The following B4GALNT4 variants were observed in gnomAD, a reference collection of about 807,000 sequenced individuals.
B4GALNT4 encodes the protein beta-1,4-N-acetyl-galactosaminyltransferase 4.
Under a neutral mutation model 110.0 loss-of-function variants are expected in B4GALNT4, and 77 were observed. That is an observed-to-expected ratio of 0.70 (90% CI 0.58 to 0.85). The LOEUF (loss-of-function observed/expected upper bound fraction) is 0.85. Ranked by LOEUF, B4GALNT4 falls within the 40% of genes least tolerant of loss-of-function variation. The pLI, the probability that B4GALNT4 is intolerant of heterozygous loss-of-function variation, is 0.00. For synonymous variants in B4GALNT4, 785 were observed against 655.5 expected, an observed-to-expected ratio of 1.20 and a Z score of -3.02; for missense variants, 1,575 against 1,506.0, an observed-to-expected ratio of 1.05 and a Z score of -0.76.
chr11:380,100 G>T, intron 16 of B4GALNT4, 30 bp from the exon 17 acceptor site: 1 of 1,593,580 alleles, frequency 6.3e-7, no homozygotes, highest in Non-Finnish European at 8.6e-7. Context: ...CCCACCCCCA[G>T]AGATCGTGCC....
rs779797509 is a variant in B4GALNT4 at position 377,345 on chromosome 11, C to T, written c.2204+18C>T. The T allele has an allele frequency of 1.1e-5, 16 of 1,487,790 alleles. No homozygotes were observed. The highest frequency in any genetic ancestry group is 4.5e-5 in the Admixed American group (2 of 44,228). The allele number at this position is 1,487,790 out of a possible 1,614,324, so 92.2% of individuals were successfully genotyped here. A position where few individuals can be genotyped will look rare whatever the true frequency, so the allele number is the denominator to read the frequency against. ...CACGGCGGGTATGGGGGCGGCCGAACGCGCGCCAGGGCGGTTTTGGAGGCG... is the reference window on the plus strand; with the variant it reads ...CACGGCGGGTATGGGGGCGGCCGAATGCGCGCCAGGGCGGTTTTGGAGGCG... On this transcript the variant is annotated intron_variant, in intron 14 of 19. Coordinates refer to ENST00000329962, the MANE Select transcript of B4GALNT4 (RefSeq NM_178537.5).
rs143485118 is a variant in B4GALNT4, at chr11:372,600, G to A, written c.256-62G>A. 5.1e-5 allele frequency: 69 copies of A among 1,345,950 alleles called. No individual in the cohort carries two copies. The East Asian group carries it at 1.3e-3, about 24-fold the overall frequency. The allele number at this position is 1,345,950 out of a possible 1,614,324, so 83.4% of individuals were successfully genotyped here. On this transcript the variant is annotated intron_variant, in intron 2 of 19. Coordinates refer to ENST00000329962, the MANE Select transcript of B4GALNT4 (RefSeq NM_178537.5). The stretch of plus-strand genomic sequence containing the variant: ...AGGGGTCTTTGTGAAGGTTTGTCTT[G>A]GTGTGTGTGACCTCCTCCCTGCCCT...
At position 375,631 on chromosome 11, in the gene B4GALNT4, G is replaced by GC. The variant is rs746466984; in HGVS notation, c.851-3dup. 26 of 1,590,770 alleles carry GC rather than the reference G, an allele frequency of 1.6e-5. No homozygotes were observed. The highest frequency in any genetic ancestry group is 2.1e-5 in the Non-Finnish European group (25 of 1,172,612). On this transcript the variant is annotated splice_polypyrimidine_tract_variant and splice_region_variant and intron_variant, in intron 9 of 19. Coordinates refer to ENST00000329962, the MANE Select transcript of B4GALNT4 (RefSeq NM_178537.5). ...TCTGAGCACTCCCTGGAACTCTTCTGCCCCCAGATGAGTCAGCCTTGAAGA... is the reference window on the plus strand; with the variant it reads ...TCTGAGCACTCCCTGGAACTCTTCTGCCCCCCAGATGAGTCAGCCTTGAAGA...
At chr11:381,141 C>T (rs1460514991) in intron 19 of B4GALNT4, 190 bp downstream of exon 19, 1 of 984,862 alleles carries the variant, frequency 1.0e-6, no homozygotes, top group African/African-American at 1.8e-5. Flanking sequence ...CCCTGTCCCA[C>T]CCCCAGGGTC....
Position 379,670 on chromosome 11 carries a change from C to T in B4GALNT4, c.2457C>T (p.Arg819=). The T allele has an allele frequency of 6.7e-7, 1 of 1,503,596 alleles. No individual in the cohort carries two copies. The allele number at this position is 1,503,596 out of a possible 1,614,324, so 93.1% of individuals were successfully genotyped here. A position where few individuals can be genotyped will look rare whatever the true frequency, so the allele number is the denominator to read the frequency against. The part of the protein sequence containing the change: ...ELCRPLRLAW[R]QDVMVHFIVP... ...GCCGGCCACTGCGCCTGGCCTGGCG[C>T]CAGGACGTGATGGTTCACTTCATCG... Residue 819 remains arginine (R), a synonymous_variant, in exon 15 of 20, where the codon CGC becomes CGT. Transcript: ENST00000329962.
rs1338796128 is a variant in B4GALNT4, at chr11:377,155, G to A, written c.2032G>A (p.Asp678Asn). The change falls in exon 14 of 20, where the codon GAC becomes AAC. Residue 678 changes from aspartate to asparagine, a missense_variant. By Grantham distance (23) the Asp-to-Asn change is conservative (BLOSUM62 1). Coordinates refer to ENST00000329962, the MANE Select transcript of B4GALNT4 (RefSeq NM_178537.5). ...AGPALGRWREDAIDWQRTFSV... is the reference protein window; with the variant it reads ...AGPALGRWRENAIDWQRTFSV... ...CCCGGCGCTCGGACGCTGGCGTGAG[G>A]ACGCCATCGACTGGCAGCGCACGTT... The A allele has an allele frequency of 6.4e-7, 1 of 1,552,678 alleles. No homozygotes were observed. Among genetic ancestry groups the A allele is most frequent in the Non-Finnish European group, 8.7e-7 (1 of 1,150,476 alleles).
chr11:380,019 G>C lies in B4GALNT4; in HGVS notation c.2642G>C (p.Arg881Pro). 1 of 1,611,554 alleles carries C rather than the reference G, an allele frequency of 6.2e-7. No individual in the cohort carries two copies. Among genetic ancestry groups the C allele is most frequent in the Non-Finnish European group, 8.5e-7 (1 of 1,178,832 alleles). The change falls in exon 16 of 20, where the codon CGG becomes CCG. Residue 881 changes from arginine to proline, a missense_variant and splice_region_variant. Coordinates refer to ENST00000329962, the MANE Select transcript of B4GALNT4 (RefSeq NM_178537.5). ...ERALRAARLP[R>P]YQYLRRTGNF... ...GCCCTGCGCGCCGCGCGCCTGCCCC[G>C]GTAACGACCCCTACTTCCACCTGGG...
chr11:372,694 T>C lies in B4GALNT4; in HGVS notation c.288T>C (p.Pro96=), dbSNP rs762867691. The C allele has an allele frequency of 1.5e-5, 24 of 1,609,718 alleles. No individual in the cohort carries two copies. The Admixed American group carries it at 1.8e-4, about 12-fold the overall frequency. The change falls in exon 3 of 20, where the codon CCT becomes CCC. Residue 96 remains proline, a synonymous_variant. Coordinates refer to ENST00000329962, the MANE Select transcript of B4GALNT4 (RefSeq NM_178537.5). ...GTCGGGACCTAGACATGCTGTTTCC[T>C]GGGGGGGCTGGGAGGCTGCCACTGA... ...PEGRDLDMLF[P]GGAGRLPLNF...
chr11:373,011 T>C lies in B4GALNT4; in HGVS notation c.445-15T>C. The C allele has an allele frequency of 6.2e-7, 1 of 1,612,346 alleles. No homozygotes were observed. Among genetic ancestry groups the C allele is most frequent in the Non-Finnish European group, 8.5e-7 (1 of 1,179,806 alleles). On this transcript the variant is annotated splice_polypyrimidine_tract_variant and intron_variant, in intron 4 of 19. Coordinates refer to ENST00000329962, the MANE Select transcript of B4GALNT4 (RefSeq NM_178537.5). The stretch of plus-strand genomic sequence containing the variant: ...ACGCAGGGGGCTTCGACAGCAACAG[T>C]CACTGCCCCCCCAGACGCGCACCAC...
chr11:379,910 G>A lies in B4GALNT4; in HGVS notation c.2533G>A (p.Ala845Thr). 1.9e-6 allele frequency: 3 copies of A among 1,609,882 alleles called. No individual in the cohort carries two copies. Among genetic ancestry groups the A allele is most frequent in the African/African-American group, 1.3e-5 (1 of 75,052 alleles). Reference protein sequence around the residue: ...RWVAQFLADMAALHARTGDSR... With the variant: ...RWVAQFLADMTALHARTGDSR... ...GGTGGCACAGTTCCTGGCGGACATG[G>A]CTGCGCTGCACGCGCGCACCGGGGA... The change falls in exon 16 of 20, where the codon GCT becomes ACT. Residue 845 changes from alanine to threonine, a missense_variant. Ala to Thr is a moderately conservative substitution (Grantham distance 58, BLOSUM62 0). Coordinates refer to ENST00000329962, the MANE Select transcript of B4GALNT4 (RefSeq NM_178537.5).
chr11:377,188 G>C lies in B4GALNT4; in HGVS notation c.2065G>C (p.Gly689Arg). 1.3e-6 allele frequency: 2 copies of C among 1,584,578 alleles called. No individual in the cohort carries two copies. The highest frequency in any genetic ancestry group is 1.7e-6 in the Non-Finnish European group (2 of 1,166,930). ...AIDWQRTFSV[G>R]AVDFELLRSD... is the part of the protein sequence containing the mutation. The stretch of plus-strand genomic sequence containing the variant: ...CGACTGGCAGCGCACGTTCAGCGTG[G>C]GCGCCGTGGACTTCGAGCTGCTGCG... The change falls in exon 14 of 20, where the codon GGC becomes CGC. Residue 689 changes from glycine to arginine, a missense_variant. By Grantham distance (125) the Gly-to-Arg change is moderately radical (BLOSUM62 -2). Transcript: ENST00000329962.
chr11:381,348 G>A (rs1248427889), intron 19 of B4GALNT4, among the ~76,000 whole-genome samples: 1 of 140,248 alleles, frequency 7.1e-6, no homozygotes, highest in African/African-American at 2.7e-5. Context: ...CCCGGCCCCG[G>A]GGTCCTGACC....
Position 379,967 on chromosome 11 carries a change from G to C in B4GALNT4, c.2590G>C (p.Glu864Gln). 2 of 1,612,848 alleles carry C rather than the reference G, an allele frequency of 1.2e-6. No homozygotes were observed. Among genetic ancestry groups the C allele is most frequent in the Non-Finnish European group, 1.7e-6 (2 of 1,179,870 alleles). Residue 864 changes from glutamate to glutamine, a missense_variant, in exon 16 of 20, where the codon GAG becomes CAG. Glu to Gln is a conservative substitution (Grantham distance 29). Transcript: ENST00000329962. ...SRFSVVLVDF[E>Q]SEDMDVERAL... ...TTTCAGCGTCGTCCTGGTGGATTTCGAGAGCGAGGATATGGACGTGGAGCG... is the reference window on the plus strand; with the variant it reads ...TTTCAGCGTCGTCCTGGTGGATTTCCAGAGCGAGGATATGGACGTGGAGCG...
chr11:376,907 C>G lies in B4GALNT4; in HGVS notation c.1784C>G (p.Ala595Gly). Residue 595 changes from alanine to glycine, a missense_variant, in exon 14 of 20, where the codon GCC (alanine) becomes GGC (glycine). Transcript: ENST00000329962. The part of the protein sequence containing the change: ...TQPRPPARAQ[A>G]TQGGREGQAR... Reference sequence around the variant, plus strand: ...CCGAGGCCCCCAGCCCGGGCGCAGGCCACCCAAGGGGGCCGGGAGGGCCAG... The same window carrying G: ...CCGAGGCCCCCAGCCCGGGCGCAGGGCACCCAAGGGGGCCGGGAGGGCCAG... 7.3e-7 allele frequency: 1 copy of G among 1,366,658 alleles called. No homozygotes were observed. The highest frequency in any genetic ancestry group is 1.5e-5 in the African/African-American group (1 of 64,918). The allele number at this position is 1,366,658 out of a possible 1,614,324, so 84.7% of individuals were successfully genotyped here.
In B4GALNT4 at chr11:373,174, C is replaced by G. The variant is rs1354829111; in HGVS notation, c.536-17C>G. 1.9e-6 allele frequency: 3 copies of G among 1,612,350 alleles called. No homozygotes were observed. The East Asian group carries it at 6.7e-5, about 36-fold the overall frequency. On this transcript the variant is annotated splice_polypyrimidine_tract_variant and intron_variant, in intron 5 of 19. Transcript: ENST00000329962. ...GCCGTGAGGCTCCACCCCCCTGAGC[C>G]TAGTCTTGTGGACTAGGAGACGTCC...
At chr11:375,436 G>C in intron 8 of B4GALNT4, 25 bp from the exon 9 acceptor site, 1 of 1,610,666 alleles carries the variant, frequency 6.2e-7, no homozygotes, top group Non-Finnish European at 8.5e-7. Flanking sequence ...CCCTGTCCCT[G>C]ACCCCCACCC....
rs1194442155 is a variant in B4GALNT4 at position 370,060 on chromosome 11, CG to C, written c.151+110del. 2.9e-5 allele frequency: 4 copies of C among 139,744 alleles called. No individual in the cohort carries two copies. The Admixed American group carries it at 3.0e-4, about 10-fold the overall frequency. The allele number at this position is 139,744 out of a possible 1,614,324, so 8.7% of individuals were successfully genotyped here. The stretch of plus-strand genomic sequence containing the variant: ...CGGGCGGCGCGGGCGGCGGGGGCCC[CG>C]GGGCGCGGGCCGGGCCTCCCACCGC... On this transcript the variant is annotated intron_variant, in intron 1 of 19. Coordinates refer to ENST00000329962, the MANE Select transcript of B4GALNT4 (RefSeq NM_178537.5).
chr11:379,046 A>G (rs879618636), intron 14 of B4GALNT4, among the ~76,000 whole-genome samples: 11 of 152,350 alleles, frequency 7.2e-5, no homozygotes, highest in Admixed American at 4.6e-4. Flanking sequence ...CTAGAATGCC[A>G]CAAAAGCCCC....
chr11:376,048 G>C, intron 11 of B4GALNT4, 26 bp from the exon 12 acceptor site: 1 of 1,605,608 alleles, frequency 6.2e-7, no homozygotes, highest in Non-Finnish European at 8.5e-7. Context: ...TCCGCGCCCT[G>C]AGCCCTGCGC....
Sources: allele counts gnomAD v4.1 joint callset (sites outside exome capture counted in the v4.1 genomes callset), GRCh38; gene constraint gnomAD v4.1.1; transcripts MANE v1.5; gene names NCBI Gene and HGNC (gene_info 2026-07-23, HGNC 2026-07-21).